SLC2A9: variants seen among roughly 807,000 people sequenced by gnomAD.
SLC2A9 encodes solute carrier family 2 member 9.
A neutral mutation model predicts 50.6 loss-of-function variants in SLC2A9; 39 were observed. That is an observed-to-expected ratio of 0.77 (90% CI 0.60 to 1.01). The LOEUF (loss-of-function observed/expected upper bound fraction) is 1.01, where lower values mean the gene tolerates loss of function less well. SLC2A9 is among the 50% of genes least tolerant of loss of function. The pLI, the probability that SLC2A9 is intolerant of heterozygous loss-of-function variation, is 0.00. For synonymous variants in SLC2A9, 324 were observed against 276.9 expected, an observed-to-expected ratio of 1.17 and a Z score of -1.69; for missense variants, 686 against 677.6, an observed-to-expected ratio of 1.01 and a Z score of -0.14.
At chr4:9,908,124 A>G in intron 8 of SLC2A9, 111 bp downstream of exon 8, 4 of 804,752 alleles carry the variant, frequency 5.0e-6, no homozygotes, top group Non-Finnish European at 8.9e-6. Flanking sequence ...CATTGTCCTA[A>G]TTGATGAATT....
At chr4:9,847,769 G>T (rs1729218277) in intron 10 of SLC2A9, among the ~76,000 whole-genome samples, 2 of 152,184 alleles carry the variant, frequency 1.3e-5, no homozygotes, top group Non-Finnish European at 1.5e-5. Flanking sequence ...CTTTCTATGT[G>T]TTCTTGAAAG....
chr4:9,887,507 C>T, intron 10 of SLC2A9, 60 bp downstream of exon 10: 1 of 1,499,958 alleles, frequency 6.7e-7, no homozygotes, highest in Non-Finnish European at 9.0e-7. Flanking sequence ...AGGAGAGCCC[C>T]CCAGCTTGGT....
intron 6 of SLC2A9, among the ~76,000 whole-genome samples, chr4:9,928,987 C>A (rs1462881272): frequency 6.6e-6 from 1 of 152,212 alleles, no homozygotes; most frequent in Non-Finnish European, 1.5e-5. Context: ...CATTTCATTC[C>A]TGATGGACGG....
chr4:9,811,606 C>T (rs1722901664), intron 3 of SLC2A9, among the ~76,000 whole-genome samples: 2 of 152,320 alleles, frequency 1.3e-5, no homozygotes, highest in East Asian at 3.9e-4. Flanking sequence ...CCAGCTGACA[C>T]CACCTGGCCA....
chr4:9,988,714 C>G (rs1404793386), intron 3 of SLC2A9, among the ~76,000 whole-genome samples: 1 of 152,112 alleles, frequency 6.6e-6, no homozygotes, highest in East Asian at 1.9e-4. Context: ...GTAGAATCTT[C>G]CCCATGAAAC....
At chr4:9,997,311 G>T (rs575489044) in intron 2 of SLC2A9, among the ~76,000 whole-genome samples, 7 of 152,250 alleles carry the variant, frequency 4.6e-5, no homozygotes, top group African/African-American at 1.7e-4. Context: ...AAACCTGGGA[G>T]CTGGACTCAG....
intron 5 of SLC2A9, among the ~76,000 whole-genome samples, chr4:9,967,150 T>A (rs1362488793): frequency 6.6e-6 from 1 of 152,230 alleles, no homozygotes. Context: ...TTAGTTTGAA[T>A]ACAATTGAGA....
At chr4:10,022,344 T>C (rs907377126), upstream of SLC2A9, among the ~76,000 whole-genome samples, 2 of 152,226 alleles carry the variant, frequency 1.3e-5, no homozygotes, top group Non-Finnish European at 2.9e-5. Context: ...AGGCGAGGGC[T>C]GTGGGTTTGG....
chr4:9,925,315 G>A (rs147018315), intron 6 of SLC2A9, among the ~76,000 whole-genome samples: 8 of 152,170 alleles, frequency 5.3e-5, no homozygotes, highest in African/African-American at 9.6e-5. Flanking sequence ...CATCCGGGTC[G>A]CTCTTGCACC....
chr4:9,927,559 C>A (rs930602583), intron 6 of SLC2A9, among the ~76,000 whole-genome samples: 2 of 152,204 alleles, frequency 1.3e-5, no homozygotes, highest in Non-Finnish European at 2.9e-5. Flanking sequence ...TTACACAGGG[C>A]AGGCCTCATG....
In SLC2A9 at chr4:10,034,575, G is replaced by A. The variant is rs139613826; in HGVS notation, c.-41+5555C>T. ...TGAGCAGTGCAGGACTCGCGGCCAG[G>A]CTCCCTGAGTTCTGATCCTGCCTCT... On this transcript the variant is annotated intron_variant, in intron 1 of 12. Transcript: ENST00000309065. 5.2e-3 allele frequency: 800 copies of A among 152,410 alleles called. 7 individuals are homozygous for A. Among genetic ancestry groups the A allele is most frequent in the Middle Eastern group, 0.02 (6 of 298 alleles). The allele number at this position is 152,410 out of a possible 1,614,324, so 9.4% of individuals were successfully genotyped here.
intron 5 of SLC2A9, among the ~76,000 whole-genome samples, chr4:9,969,479 A>G (rs1289026355): frequency 6.6e-6 from 1 of 152,250 alleles, no homozygotes; most frequent in Non-Finnish European, 1.5e-5. Flanking sequence ...ATACTCTTAA[A>G]TACAAGTTTC....
rs539741926 is a variant in SLC2A9, at chr4:9,965,113, C to T, written c.681+15479G>A. ...TTCTCTTTCTTAAGCCTTACAAAAT[C>T]CCCACGAAAGAGGTCCCATTATTAA... is the stretch of plus-strand genomic sequence containing the variant. On this transcript the variant is annotated intron_variant, in intron 5 of 11. Coordinates refer to ENST00000264784, the MANE Select transcript of SLC2A9 (RefSeq NM_020041.3). 3.9e-5 allele frequency among the ~76,000 whole-genome samples: 6 copies of T among 152,350 alleles called. No individual in the cohort carries two copies. In the South Asian group the frequency reaches 8.3e-4, roughly 21 times the overall value.
At chr4:9,896,808 AC>A (rs1227729331) in intron 8 of SLC2A9, among the ~76,000 whole-genome samples, 1 of 152,176 alleles carries the variant, frequency 6.6e-6, no homozygotes, top group African/African-American at 2.4e-5. Flanking sequence ...ACTTTTTATG[AC>A]ACTACTTGTT....
intron 3 of SLC2A9, chr4:9,782,576 G>T: frequency 6.2e-7 from 1 of 1,613,926 alleles, no homozygotes; most frequent in Non-Finnish European, 8.5e-7. Context: ...CTGGCACAGG[G>T]ACCAGGCGGC....
intron 3 of SLC2A9, among the ~76,000 whole-genome samples, chr4:9,801,797 A>T (rs1444399753): frequency 2.6e-5 from 4 of 152,024 alleles, no homozygotes; most frequent in Admixed American, 6.5e-5. Flanking sequence ...TGTAACATGG[A>T]CAATGCAAAG....
intron 8 of SLC2A9, among the ~76,000 whole-genome samples, chr4:9,904,905 C>T (rs1186622804): frequency 6.6e-6 from 1 of 152,166 alleles, no homozygotes; most frequent in Non-Finnish European, 1.5e-5. Flanking sequence ...CTTGCATCTC[C>T]AGCTCTTTGA....
At chr4:9,817,342 T>G (rs895892188) in intron 3 of SLC2A9, among the ~76,000 whole-genome samples, 1 of 152,222 alleles carries the variant, frequency 6.6e-6, no homozygotes, top group African/African-American at 2.4e-5. Flanking sequence ...CATTAACTCA[T>G]TCATTCAATC....
At chr4:9,887,758 G>A (rs548285512) in intron 9 of SLC2A9, 116 bp from the exon 10 acceptor site, 2 of 693,180 alleles carry the variant, frequency 2.9e-6, no homozygotes, top group Middle Eastern at 2.5e-4. Context: ...GTCACTTGAT[G>A]TCCCCAAGCC....
Sources: allele counts gnomAD v4.1 joint callset (sites outside exome capture counted in the v4.1 genomes callset), GRCh38; gene constraint gnomAD v4.1.1; transcripts MANE v1.5; gene names NCBI Gene and HGNC (gene_info 2026-07-23, HGNC 2026-07-21).